NLN: variants seen among roughly 807,000 people sequenced by gnomAD.
NLN encodes the protein neurolysin, mitochondrial.
In NLN, 64 loss-of-function variants were observed where a neutral mutation model predicts 79.9. The observed-to-expected ratio is 0.80, with a 90% confidence interval of 0.65 to 0.99. NLN has a LOEUF of 0.99. Among genes scored for constraint, NLN ranks in the 50% least tolerant of loss-of-function variants. NLN has a pLI of 0.00. For synonymous variants in NLN, 267 were observed against 296.6 expected, an observed-to-expected ratio of 0.90 and a Z score of 1.02; for missense variants, 835 against 858.7, an observed-to-expected ratio of 0.97 and a Z score of 0.34.
intron 3 of NLN, among the ~76,000 whole-genome samples, chr5:65,766,348 G>A (rs1261547881): frequency 6.6e-6 from 1 of 152,178 alleles, no homozygotes; most frequent in Non-Finnish European, 1.5e-5. Context: ...TAAAGGGGAA[G>A]CAAGGCATGT....
chr5:65,781,264 C>A lies in NLN; in HGVS notation c.665C>A (p.Ala222Asp). 1.2e-6 allele frequency: 2 copies of A among 1,602,936 alleles called. No individual in the cohort carries two copies. Among genetic ancestry groups the A allele is most frequent in the African/African-American group, 1.3e-5 (1 of 74,362 alleles). ...ATGAGAAAATGATTTTTTGCAGGTGCTCTTCCTGATGATTTCATTGACAGT... is the reference window on the plus strand; with the variant it reads ...ATGAGAAAATGATTTTTTGCAGGTGATCTTCCTGATGATTTCATTGACAGT... ...FLVFSKAELGALPDDFIDSLE... is the reference protein window; with the variant it reads ...FLVFSKAELGDLPDDFIDSLE... The change falls in exon 6 of 13, where the codon GCT becomes GAT. Residue 222 changes from alanine to aspartate, a missense_variant. Transcript: ENST00000380985.
chr5:65,790,678 C>A (rs1454977276), intron 8 of NLN, among the ~76,000 whole-genome samples: 5 of 152,212 alleles, frequency 3.3e-5, no homozygotes, highest in Non-Finnish European at 5.9e-5. Context: ...GGTGGAGACA[C>A]AGCCAAATCA....
rs900159232 is a variant in NLN, at chr5:65,809,447, A to T, written c.1528-68A>T. On this transcript the variant is annotated intron_variant, in intron 9 of 12. Transcript: ENST00000380985. The stretch of plus-strand genomic sequence containing the variant: ...TCTGCCTTAAGTTTTCGTGACTCTT[A>T]ATAATTATTCATTGCATATGTACTT... 4.5e-6 allele frequency: 6 copies of T among 1,346,134 alleles called. No homozygotes were observed. In the African/African-American group the frequency reaches 5.8e-5, roughly 13 times the overall value. The allele number at this position is 1,346,134 out of a possible 1,614,324, so 83.4% of individuals were successfully genotyped here.
At chr5:65,779,493 C>T (rs928640929) in intron 4 of NLN, among the ~76,000 whole-genome samples, 9 of 152,072 alleles carry the variant, frequency 5.9e-5, no homozygotes, top group African/African-American at 2.2e-4. Context: ...ATCACCTTTT[C>T]CCCGAAGCAA....
At chr5:65,790,061 A>G (rs1170145816) in intron 8 of NLN, among the ~76,000 whole-genome samples, 2 of 152,220 alleles carry the variant, frequency 1.3e-5, no homozygotes, top group Non-Finnish European at 2.9e-5. Context: ...AATTGTGTCT[A>G]TAGCATGTAA....
At chr5:65,774,395 T>G (rs1283483798) in intron 3 of NLN, among the ~76,000 whole-genome samples, 1 of 152,104 alleles carries the variant, frequency 6.6e-6, no homozygotes, top group Non-Finnish European at 1.5e-5. Flanking sequence ...GGGGAGAAAT[T>G]TTTGTTAGGA....
At chr5:65,754,060 C>A (rs1490017856) in intron 1 of NLN, among the ~76,000 whole-genome samples, 1 of 151,794 alleles carries the variant, frequency 6.6e-6, no homozygotes, top group African/African-American at 2.4e-5. Flanking sequence ...TATACTTATT[C>A]CTTTATCAGT....
At chr5:65,729,394 G>T (rs252644) in intron 1 of NLN, among the ~76,000 whole-genome samples, 1 of 131,440 alleles carries the variant, frequency 7.6e-6, no homozygotes, top group African/African-American at 2.9e-5. Context: ...TTTTTTTTTA[G>T]GATGGAGTCT....
rs1006481088 is a variant in NLN at position 65,787,816 on chromosome 5, G to A, written c.959-302G>A. Among the ~76,000 whole-genome samples, 13 of 152,116 alleles carry A rather than the reference G, an allele frequency of 8.5e-5. No homozygotes were observed. The East Asian group carries it at 9.6e-4, about 11-fold the overall frequency. ...CCCTGAATAACATTCTTCAGTCAGCGTTCTCTGAGATAAACTTGAGCTTTG... is the reference window on the plus strand; with the variant it reads ...CCCTGAATAACATTCTTCAGTCAGCATTCTCTGAGATAAACTTGAGCTTTG... On this transcript the variant is annotated intron_variant, in intron 7 of 12. Coordinates refer to ENST00000380985, the MANE Select transcript of NLN (RefSeq NM_020726.5).
rs143137928 is a variant in NLN at position 65,810,408 on chromosome 5, C to T, written c.1843+243C>T. Among the ~76,000 whole-genome samples the T allele has an allele frequency of 1.2e-3, 186 of 152,304 alleles. 1 individual carries two copies. Among genetic ancestry groups the T allele is most frequent in the African/African-American group, 3.9e-3 (162 of 41,570 alleles). ...TAATCAGGCATGAGCAGTTGGCCTC[C>T]GCCCCAGAGCTGGGAGAGCCATTCG... On this transcript the variant is annotated intron_variant, in intron 11 of 12. Coordinates refer to ENST00000380985, the MANE Select transcript of NLN (RefSeq NM_020726.5).
At chr5:65,817,476 G>T (rs1421494645) in intron 12 of NLN, among the ~76,000 whole-genome samples, 1 of 152,098 alleles carries the variant, frequency 6.6e-6, no homozygotes, top group Non-Finnish European at 1.5e-5. Context: ...AAATAATGGG[G>T]GCATTTTAAC....
In NLN at chr5:65,781,250, A is replaced by AT. The variant is rs550101635; in HGVS notation, c.662-5dup. 7.5e-4 allele frequency: 1,196 copies of AT among 1,595,908 alleles called. 11 individuals are homozygous for AT. The African/African-American group carries it at 0.015, about 20-fold the overall frequency. On this transcript the variant is annotated splice_polypyrimidine_tract_variant and intron_variant, in intron 5 of 12. Coordinates refer to ENST00000380985, the MANE Select transcript of NLN (RefSeq NM_020726.5). The stretch of plus-strand genomic sequence containing the variant: ...GGAAAATTTGATATATGAGAAAATG[A>AT]TTTTTTGCAGGTGCTCTTCCTGATG...
intron 8 of NLN, 147 bp downstream of exon 8, chr5:65,788,631 T>A: frequency 1.2e-6 from 1 of 813,272 alleles, no homozygotes; most frequent in Non-Finnish European, 2.0e-6. Context: ...AGGCTAGGAG[T>A]TCGAGACCAG....
chr5:65,758,105 T>G (rs914398319), intron 1 of NLN, among the ~76,000 whole-genome samples: 5 of 152,018 alleles, frequency 3.3e-5, no homozygotes, highest in African/African-American at 1.2e-4. Flanking sequence ...CATGGTGGTA[T>G]GTCCCCTGTA....
intron 8 of NLN, among the ~76,000 whole-genome samples, chr5:65,788,783 G>A (rs1759993274): frequency 6.6e-6 from 1 of 152,102 alleles, no homozygotes; most frequent in South Asian, 2.1e-4. Flanking sequence ...ACCAGACTGG[G>A]CAACATGGCA....
chr5:65,745,370 A>G (rs1758953958), intron 1 of NLN, among the ~76,000 whole-genome samples: 1 of 152,160 alleles, frequency 6.6e-6, no homozygotes, highest in African/African-American at 2.4e-5. Flanking sequence ...CAGCATCAGT[A>G]TAGGATAATA....
chr5:65,800,752 A>G (rs1051454387), intron 9 of NLN, among the ~76,000 whole-genome samples: 2 of 151,580 alleles, frequency 1.3e-5, no homozygotes, highest in African/African-American at 4.9e-5. Flanking sequence ...TGGCATGATC[A>G]TGGCTCACTG....
chr5:65,747,138 T>C lies in NLN; in HGVS notation c.42-11429T>C, dbSNP rs192265656. Among the ~76,000 whole-genome samples the C allele has an allele frequency of 1.3e-4, 20 of 152,196 alleles. No individual in the cohort carries two copies. In the East Asian group the frequency reaches 3.7e-3, roughly 28 times the overall value. On this transcript the variant is annotated intron_variant, in intron 1 of 12. Coordinates refer to ENST00000380985, the MANE Select transcript of NLN (RefSeq NM_020726.5). ...CAAGTCAGATTTGTCTTATACTAGT[T>C]AGGAGTAAAGAGAAATGGATGATAC...
intron 9 of NLN, among the ~76,000 whole-genome samples, chr5:65,801,870 C>T (rs193217051): frequency 6.8e-4 from 104 of 152,294 alleles, no homozygotes; most frequent in African/African-American, 2.5e-3. Flanking sequence ...CACATACACA[C>T]ATTTTTGTTG....
Sources: allele counts gnomAD v4.1 joint callset (sites outside exome capture counted in the v4.1 genomes callset), GRCh38; gene constraint gnomAD v4.1.1; transcripts MANE v1.5; gene names NCBI Gene and HGNC (gene_info 2026-07-23, HGNC 2026-07-21).